OSBPL6: variants seen among roughly 807,000 people sequenced by gnomAD.
The protein encoded by OSBPL6 is oxysterol-binding protein-related protein 6.
Under a neutral mutation model 125.8 loss-of-function variants are expected in OSBPL6, and 49 were observed. The observed-to-expected ratio is 0.39, with a 90% CI of 0.31 to 0.49. The LOEUF (loss-of-function observed/expected upper bound fraction) is 0.49, where lower values mean the gene tolerates loss of function less well. Among genes scored for constraint, OSBPL6 ranks in the 20% least tolerant of loss-of-function variants. The pLI is 0.88. For missense variants in OSBPL6, 986 were observed against 1,135.4 expected (o/e 0.87, Z 1.89); for synonymous variants, 394 against 391.8 (o/e 1.01, Z -0.07).
intron 12 of OSBPL6, among the ~76,000 whole-genome samples, chr2:178,355,087 G>A (rs1191559297): frequency 6.6e-6 from 1 of 152,166 alleles, no homozygotes; most frequent in African/African-American, 2.4e-5. Flanking sequence ...ATTTAAAGCA[G>A]TATGTAGAGG....
chr2:178,224,047 A>G (rs967332484), intron 1 of OSBPL6, among the ~76,000 whole-genome samples: 9 of 152,176 alleles, frequency 5.9e-5, no homozygotes, highest in African/African-American at 1.2e-4. Context: ...CCCAAGGGGA[A>G]CGCCGCATCT....
intron 1 of OSBPL6, among the ~76,000 whole-genome samples, chr2:178,215,922 C>T (rs186858659): frequency 6.6e-6 from 1 of 152,148 alleles, no homozygotes; most frequent in African/African-American, 2.4e-5. Flanking sequence ...TGGTGCGTGA[C>T]ACACACACAA....
intron 1 of OSBPL6, among the ~76,000 whole-genome samples, chr2:178,268,746 T>C (rs1264462547): frequency 1.3e-5 from 2 of 152,356 alleles, no homozygotes; most frequent in South Asian, 4.1e-4. Context: ...ATTCTATATT[T>C]TGTCTCTCTG....
intron 8 of OSBPL6, 21 bp downstream of exon 8, chr2:178,333,062 A>T (rs555517626): frequency 1.2e-6 from 2 of 1,610,602 alleles, no homozygotes. Context: ...GTTCTATAAA[A>T]ACCAGCCTGA....
chr2:178,391,181 G>T lies in OSBPL6; in HGVS notation c.2410G>T (p.Gly804Cys), dbSNP rs749221547. ...AAAGTGGCATGAAGGACTCTACTGT[G>T]GTGTGGCCCCCTCTGCAAAGTGCAT... ...FGKWHEGLYCGVAPSAKCIWR... is the reference protein window; with the variant it reads ...FGKWHEGLYCCVAPSAKCIWR... Residue 804 changes from glycine (G) to cysteine (C), a missense_variant, in exon 22 of 25, where the codon GGT (glycine) becomes TGT (cysteine). Coordinates refer to ENST00000190611, the MANE Select transcript of OSBPL6 (RefSeq NM_032523.4). 1.2e-6 allele frequency: 2 copies of T among 1,612,284 alleles called. No homozygotes were observed. The highest frequency in any genetic ancestry group is 1.7e-6 in the Non-Finnish European group (2 of 1,179,300).
chr2:178,232,866 AC>A (rs761005345), intron 1 of OSBPL6, among the ~76,000 whole-genome samples: 19 of 152,278 alleles, frequency 1.2e-4, no homozygotes, highest in Non-Finnish European at 2.6e-4. Context: ...AGGACCTGTT[AC>A]TGGGCCTCAG....
At chr2:178,323,112 C>T (rs1688389037) in intron 3 of OSBPL6, among the ~76,000 whole-genome samples, 2 of 151,724 alleles carry the variant, frequency 1.3e-5, no homozygotes, top group Admixed American at 1.3e-4. Flanking sequence ...ACTTTTTTTC[C>T]CCCGCAAGGG....
chr2:178,362,848 C>T (rs1692478413), intron 13 of OSBPL6, among the ~76,000 whole-genome samples: 1 of 152,132 alleles, frequency 6.6e-6, no homozygotes, highest in African/African-American at 2.4e-5. Flanking sequence ...AGTATAAAGC[C>T]AGGGGTCTCA....
intron 20 of OSBPL6, among the ~76,000 whole-genome samples, chr2:178,387,936 G>A (rs556955994): frequency 5.9e-5 from 9 of 151,972 alleles, no homozygotes; most frequent in South Asian, 2.1e-4. Context: ...CCTGGGAGGC[G>A]GAGATTGCAG....
chr2:178,333,038 A>G lies in OSBPL6; in HGVS notation c.654A>G (p.Gly218=), dbSNP rs1211774027. 1 of 1,613,730 alleles carries G rather than the reference A, an allele frequency of 6.2e-7. No homozygotes were observed. The highest frequency in any genetic ancestry group is 1.3e-5 in the African/African-American group (1 of 74,904). The change falls in exon 8 of 25, where the codon GGA becomes GGG. Residue 218 remains glycine (G), a synonymous_variant. Coordinates refer to ENST00000190611, the MANE Select transcript of OSBPL6 (RefSeq NM_032523.4). ...SPAANVSVMD[G]KMQPNSFPWQ... is the part of the protein sequence containing the mutation. Reference sequence around the variant, plus strand: ...CTGCTAATGTTTCTGTAATGGATGGAAAGGTATGACTTTGTTCTATAAAAA... The same window carrying G: ...CTGCTAATGTTTCTGTAATGGATGGGAAGGTATGACTTTGTTCTATAAAAA...
intron 1 of OSBPL6, among the ~76,000 whole-genome samples, chr2:178,238,056 A>C (rs1251526131): frequency 6.6e-6 from 1 of 152,174 alleles, no homozygotes; most frequent in African/African-American, 2.4e-5. Context: ...GCAACTTTTA[A>C]CACTGTCAGC....
chr2:178,218,408 TA>T (rs11357721), intron 1 of OSBPL6, among the ~76,000 whole-genome samples: 59,824 of 142,840 alleles, frequency 0.42, 13,390 homozygotes, highest in African/African-American at 0.61. Flanking sequence ...AAAAAAAAAT[TA>T]AAAAAAAAAA....
intron 1 of OSBPL6, among the ~76,000 whole-genome samples, chr2:178,237,980 G>A (rs1322161960): frequency 6.6e-6 from 1 of 152,182 alleles, no homozygotes; most frequent in African/African-American, 2.4e-5. Flanking sequence ...AAAATGCTCT[G>A]AGAGGTCTGC....
chr2:178,285,353 G>A (rs1230601227), intron 2 of OSBPL6, among the ~76,000 whole-genome samples: 4 of 151,858 alleles, frequency 2.6e-5, no homozygotes, highest in Non-Finnish European at 5.9e-5. Flanking sequence ...ACCATTTTCT[G>A]TTTTCTGTAT....
intron 1 of OSBPL6, among the ~76,000 whole-genome samples, chr2:178,235,393 CTTTTCTTT>C (rs2091009548): frequency 1.7e-4 from 11 of 64,500 alleles, no homozygotes; most frequent in Non-Finnish European, 2.0e-4. Context: ...TTTTTCTTTT[CTTTTCTTT>C]TTTTTTTTTT....
At position 178,344,667 on chromosome 2, in the gene OSBPL6, G is replaced by GTT. The variant is rs11403509; in HGVS notation, c.988-4549_988-4548dup. Among the ~76,000 whole-genome samples the GTT allele has an allele frequency of 2.3e-4, 34 of 150,756 alleles. 1 individual carries two copies. Among genetic ancestry groups the GTT allele is most frequent in the East Asian group, 7.8e-4 (4 of 5,128 alleles). Reference sequence around the variant, plus strand: ...ATGTGAGCTTTCCTTAAATTATATTGTTTTTTTTTCTTTTTGACCATACTG... The same window carrying GTT: ...ATGTGAGCTTTCCTTAAATTATATTGTTTTTTTTTTTCTTTTTGACCATACTG... On this transcript the variant is annotated intron_variant, in intron 11 of 24. Transcript: ENST00000190611.
intron 1 of OSBPL6, among the ~76,000 whole-genome samples, chr2:178,262,665 T>A (rs1206382877): frequency 6.6e-6 from 1 of 152,170 alleles, no homozygotes; most frequent in Admixed American, 6.6e-5. Flanking sequence ...AGCTTAATAG[T>A]CTCCCTCTTT....
chr2:178,345,625 T>C (rs1422306187), intron 11 of OSBPL6, among the ~76,000 whole-genome samples: 6 of 152,160 alleles, frequency 3.9e-5, no homozygotes, highest in Admixed American at 1.3e-4. Flanking sequence ...ATTCTGACAA[T>C]AGATGCATAT....
intron 4 of OSBPL6, among the ~76,000 whole-genome samples, chr2:178,324,637 C>A (rs1267677723): frequency 6.6e-6 from 1 of 152,152 alleles, no homozygotes; most frequent in Non-Finnish European, 1.5e-5. Context: ...CCATTATTGC[C>A]CATGTACTGC....
Sources: gnomAD v4.1 joint callset for allele counts (sites outside exome capture counted in the v4.1 genomes callset) on GRCh38, gnomAD v4.1.1 for gene constraint, MANE v1.5 for transcripts, NCBI Gene and HGNC (gene_info 2026-07-23, HGNC 2026-07-21) for gene names.